Variants in NUP133 observed in about 807,000 individuals in gnomAD.
NUP133 encodes the protein nucleoporin 133.
Under a neutral mutation model 146.2 loss-of-function variants are expected in NUP133, and 66 were observed. The ratio of observed to expected loss-of-function variants is 0.45; its 90% confidence interval spans 0.37 to 0.55. The LOEUF is 0.55. Ranked by LOEUF, NUP133 falls within the 20% of genes least tolerant of loss-of-function variation. NUP133 has a pLI of 0.00. For missense variants in NUP133, 1,277 were observed against 1,374.8 expected (o/e 0.93, Z 1.12); for synonymous variants, 521 against 498.8 (o/e 1.04, Z -0.59).
intron 21 of NUP133, among the ~76,000 whole-genome samples, chr1:229,453,343 A>C (rs930162780): frequency 1.2e-4 from 19 of 152,216 alleles, no homozygotes; most frequent in African/African-American, 3.4e-4. Context: ...TCTGTGGTGC[A>C]TATCAAGCAA....
intron 8 of NUP133, among the ~76,000 whole-genome samples, chr1:229,493,083 GAAGTT>G (rs1189475216): frequency 6.6e-6 from 1 of 152,046 alleles, no homozygotes. Context: ...CCAAAGTAAT[GAAGTT>G]AAGGTTAAAA....
At chr1:229,451,054 T>C in intron 22 of NUP133, 1 of 152,428 alleles carries the variant, frequency 6.6e-6, no homozygotes, top group East Asian at 1.9e-4. Flanking sequence ...AACAGTCTCA[T>C]ATTTGGAAAC....
chr1:229,450,487 T>C (rs374674239), intron 23 of NUP133, 38 bp downstream of exon 23: 1 of 1,070,262 alleles, frequency 9.3e-7, no homozygotes, highest in Non-Finnish European at 1.4e-6. Flanking sequence ...TATATATGTA[T>C]TCAGTTGCCT....
chr1:229,500,641 A>G (rs6673421), intron 4 of NUP133, 115 bp downstream of exon 4: 142,437 of 598,466 alleles, frequency 0.24, 20,543 homozygotes, highest in African/African-American at 0.54. Context: ...ATACCACAAT[A>G]TCTTGATTTC....
chr1:229,459,592 T>C (rs1660647803), intron 20 of NUP133, among the ~76,000 whole-genome samples: 1 of 152,204 alleles, frequency 6.6e-6, no homozygotes, highest in Non-Finnish European at 1.5e-5. Flanking sequence ...ATGAGTTCAA[T>C]TGTTTTGGAT....
chr1:229,449,875 T>TATATA (rs1558088585), intron 23 of NUP133, among the ~76,000 whole-genome samples: 2,284 of 63,990 alleles, frequency 0.036, 141 homozygotes, highest in African/African-American at 0.12. Context: ...ATATATATAT[T>TATATA]TTTTTTTTTT....
chr1:229,458,035 A>T, intron 21 of NUP133, 126 bp downstream of exon 21: 1 of 922,942 alleles, frequency 1.1e-6, no homozygotes. Context: ...CATTAACTAA[A>T]TGCATTCCTC....
intron 13 of NUP133, among the ~76,000 whole-genome samples, chr1:229,476,122 A>G (rs778191195): frequency 4.2e-4 from 59 of 139,702 alleles, no homozygotes; most frequent in East Asian, 1.4e-3. Context: ...AAGAAAAGGG[A>G]AAAAAAAAAA....
intron 20 of NUP133, among the ~76,000 whole-genome samples, chr1:229,459,233 A>G (rs1660638014): frequency 6.6e-6 from 1 of 152,098 alleles, no homozygotes; most frequent in Admixed American, 6.5e-5. Flanking sequence ...TATATAAAAA[A>G]TGTTCCTGGC....
At chr1:229,506,310 TA>T (rs201355082) in intron 1 of NUP133, 152 bp from the exon 2 acceptor site, 2,052 of 439,188 alleles carry the variant, frequency 4.7e-3, no homozygotes, top group South Asian at 5.9e-3. Flanking sequence ...ATTTTTCATG[TA>T]AAAAAAAAAC....
At chr1:229,503,805 T>A (rs543511576) in intron 2 of NUP133, among the ~76,000 whole-genome samples, 9 of 152,316 alleles carry the variant, frequency 5.9e-5, no homozygotes, top group Admixed American at 3.3e-4. Context: ...GGGGAAGAGT[T>A]CTTCAAGTTG....
intron 25 of NUP133, among the ~76,000 whole-genome samples, chr1:229,442,652 T>C (rs1351293864): frequency 1.3e-5 from 2 of 151,724 alleles, no homozygotes; most frequent in Non-Finnish European, 2.9e-5. Flanking sequence ...TACCATAAGA[T>C]TCTCAAAATC....
At chr1:229,506,191 A>G (rs558998264) in intron 1 of NUP133, 33 bp from the exon 2 acceptor site, 4 of 1,248,458 alleles carry the variant, frequency 3.2e-6, no homozygotes, top group African/African-American at 3.0e-5. Context: ...CCTTACTTGT[A>G]ACTTAAAATT....
intron 3 of NUP133, 98 bp from the exon 4 acceptor site, chr1:229,500,961 ACTG>A: frequency 1.5e-6 from 1 of 655,908 alleles, no homozygotes; most frequent in Admixed American, 2.7e-5. Context: ...ATTCTGACTC[ACTG>A]CTGGAAACAC....
chr1:229,501,907 A>G, intron 3 of NUP133, 92 bp downstream of exon 3: 2 of 878,512 alleles, frequency 2.3e-6, no homozygotes, highest in Non-Finnish European at 3.7e-6. Flanking sequence ...CCTATTGACT[A>G]TCCTCCAACT....
Position 229,464,853 on chromosome 1 carries a change from G to A in NUP133, c.2322C>T (p.Ile774=). 1 of 1,614,188 alleles carries A rather than the reference G, an allele frequency of 6.2e-7. No individual in the cohort carries two copies. Among genetic ancestry groups the A allele is most frequent in the Non-Finnish European group, 8.5e-7 (1 of 1,180,020 alleles). Residue 774 remains isoleucine, a synonymous_variant, in exon 18 of 26, where the codon ATC becomes ATT. Coordinates refer to ENST00000261396, the MANE Select transcript of NUP133 (RefSeq NM_018230.3). ...PWTATSGPGG[I]RTVIIRQHEI... ...CATGCTGGCGTATTATTACCGTTCG[G>A]ATGCCACCAGGACCACTTGTTGCTG...
At chr1:229,504,143 A>AT (rs368669653) in intron 2 of NUP133, among the ~76,000 whole-genome samples, 81 of 149,404 alleles carry the variant, frequency 5.4e-4, no homozygotes, top group East Asian at 7.8e-4. Flanking sequence ...TAATTTCAGC[A>AT]TTTTTTTTTT....
At chr1:229,474,782 G>T (rs1290841840) in intron 14 of NUP133, among the ~76,000 whole-genome samples, 1 of 152,152 alleles carries the variant, frequency 6.6e-6, no homozygotes, top group Non-Finnish European at 1.5e-5. Context: ...GTGTGGTAGT[G>T]AGTAGGCACT....
At chr1:229,506,653 T>A (rs899323893) in intron 1 of NUP133, among the ~76,000 whole-genome samples, 1 of 151,886 alleles carries the variant, frequency 6.6e-6, no homozygotes, top group Non-Finnish European at 1.5e-5. Flanking sequence ...ATGTCTATAA[T>A]CTCAGCACTT....
Sources: gnomAD v4.1 joint callset for allele counts (sites outside exome capture counted in the v4.1 genomes callset) on GRCh38, gnomAD v4.1.1 for gene constraint, MANE v1.5 for transcripts, NCBI Gene and HGNC (gene_info 2026-07-23, HGNC 2026-07-21) for gene names.